Variants in CEP41 observed in about 807,000 individuals in gnomAD.
CEP41 encodes the protein centrosomal protein of 41 kDa.
A neutral mutation model predicts 44.3 loss-of-function variants in CEP41; 32 were observed. The observed-to-expected ratio is 0.72, with a 90% CI of 0.54 to 0.97. The LOEUF is 0.97. Among genes scored for constraint, CEP41 ranks in the 50% least tolerant of loss-of-function variants. CEP41 has a pLI of 0.00. For synonymous variants in CEP41, 151 were observed against 168.5 expected (o/e 0.90, Z 0.80); for missense variants, 432 against 455.2 (o/e 0.95, Z 0.46).
intron 8 of CEP41, chr7:130,401,121 C>T (rs1275521057): frequency 5.5e-6 from 2 of 363,246 alleles, no homozygotes; most frequent in Non-Finnish European, 1.0e-5. Context: ...TATTACAATC[C>T]CCATTTTACA....
intron 6 of CEP41, 84 bp from the exon 7 acceptor site, chr7:130,402,883 T>A (rs782304269): frequency 7.2e-7 from 1 of 1,379,478 alleles, no homozygotes; most frequent in Non-Finnish European, 1.0e-6. Flanking sequence ...AATAGTGAGG[T>A]GAGTGCTCAA....
intron 2 of CEP41, chr7:130,419,032 C>T: frequency 1.0e-6 from 1 of 985,172 alleles, no homozygotes; most frequent in Non-Finnish European, 1.2e-6. Flanking sequence ...CTTCATTTCT[C>T]CATTAATTAC....
intron 5 of CEP41, among the ~76,000 whole-genome samples, chr7:130,406,826 G>A (rs1011470215): frequency 5.9e-5 from 9 of 151,740 alleles, no homozygotes; most frequent in Admixed American, 4.6e-4. Context: ...CTCTCCGGTG[G>A]GGGGACGGGG....
intron 2 of CEP41, chr7:130,421,073 A>T (rs577304969): frequency 1.8e-4 from 173 of 982,430 alleles, no homozygotes; most frequent in Non-Finnish European, 2.1e-4. Context: ...GTGATAAAAG[A>T]TATATAACAA....
chr7:130,399,257 G>A, intron 10 of CEP41: 1 of 596,614 alleles, frequency 1.7e-6, no homozygotes, highest in Non-Finnish European at 2.9e-6. Context: ...AACCCAGATA[G>A]GTTTTTTTTC....
chr7:130,431,850 T>A (rs138309202), intron 1 of CEP41, among the ~76,000 whole-genome samples: 51 of 152,272 alleles, frequency 3.3e-4, no homozygotes, highest in African/African-American at 1.1e-3. Flanking sequence ...TTAAAAAAAC[T>A]TGGGTTTCAT....
chr7:130,398,943 G>C lies in CEP41; in HGVS notation c.1070C>G (p.Ser357Ter). ...ACCACTGCTGAGGGAGCGGGGGTTTGAGTGGCTGGCGGGGCCGCCACCTGG... is the reference window on the plus strand; with the variant it reads ...ACCACTGCTGAGGGAGCGGGGGTTTCAGTGGCTGGCGGGGCCGCCACCTGG... ...NLPGGGPASH[S>*]NPRSLSSGHL... The change falls in exon 11 of 11, where the codon TCA (serine) becomes TGA (stop). Residue 357 changes from serine (S) to a stop codon, truncating the protein, a stop_gained. Transcript: ENST00000223208. LOFTEE classifies it high-confidence loss of function. The C allele has an allele frequency of 1.9e-6, 3 of 1,614,220 alleles. No individual in the cohort carries two copies. The highest frequency in any genetic ancestry group is 2.5e-6 in the Non-Finnish European group (3 of 1,180,032).
intron 5 of CEP41, among the ~76,000 whole-genome samples, chr7:130,408,192 C>T (rs1554418637): frequency 6.6e-6 from 1 of 152,148 alleles, no homozygotes; most frequent in Non-Finnish European, 1.5e-5. Flanking sequence ...TATTTTACTT[C>T]TTCCCCCTTT....
rs576885294 is a variant in CEP41, at chr7:130,419,637, T to C, written c.98-2671A>G. The C allele has an allele frequency of 1.1e-4, 109 of 984,906 alleles. No individual in the cohort carries two copies. In the African/African-American group the frequency reaches 1.3e-3, roughly 12 times the overall value. The allele number at this position is 984,906 out of a possible 1,614,324, so 61.0% of individuals were successfully genotyped here. A position where few individuals can be genotyped will look rare whatever the true frequency, so the allele number is the denominator to read the frequency against. On this transcript the variant is annotated intron_variant, in intron 2 of 10. Transcript: ENST00000223208. ...GATACATTTTCCCAGATAAGACTTT[T>C]TGATCAAAAAGAAAAAAAAAAGTCA... is the stretch of plus-strand genomic sequence containing the variant.
At chr7:130,412,563 C>G (rs11973495) in intron 3 of CEP41, among the ~76,000 whole-genome samples, 1 of 152,038 alleles carries the variant, frequency 6.6e-6, no homozygotes, top group Non-Finnish European at 1.5e-5. Flanking sequence ...TTGTACTCCA[C>G]GCATTTTTGT....
At chr7:130,440,773 CCAAG>C in intron 1 of CEP41, 157 bp downstream of exon 1, 1 of 688,486 alleles carries the variant, frequency 1.5e-6, no homozygotes, top group Non-Finnish European at 2.5e-6. Context: ...CCCGCGGCCC[CCAAG>C]CCCGGCCCGC....
chr7:130,410,026 C>CTTCTTTTTTTT (rs147825264), intron 5 of CEP41, among the ~76,000 whole-genome samples: 5 of 131,876 alleles, frequency 3.8e-5, no homozygotes, highest in Non-Finnish European at 7.9e-5. Flanking sequence ...CTACCTCGGT[C>CTTCTTTTTTTT]TTCTTTTTTT....
At chr7:130,407,776 G>A (rs1288745804) in intron 5 of CEP41, among the ~76,000 whole-genome samples, 1 of 151,932 alleles carries the variant, frequency 6.6e-6, no homozygotes, top group East Asian at 1.9e-4. Flanking sequence ...AATTTTATGA[G>A]TCTAAAGCAA....
rs1263516750 is a variant in CEP41 at position 130,428,114 on chromosome 7, G to A, written c.34-96C>T. 8.0e-6 allele frequency: 7 copies of A among 873,122 alleles called. No individual in the cohort carries two copies. The East Asian group carries it at 1.7e-4, about 22-fold the overall frequency. 54.1% of individuals were successfully genotyped at this position (873,122 alleles called of 1,614,324 possible). ...GATACTTTAAAAATGGAAAAAAAGT[G>A]CTAAAATTTCTTAGAAATTAAAGAT... On this transcript the variant is annotated intron_variant, in intron 1 of 10. Coordinates refer to ENST00000223208, the MANE Select transcript of CEP41 (RefSeq NM_018718.3).
chr7:130,433,062 G>T (rs1011536437), intron 1 of CEP41, among the ~76,000 whole-genome samples: 1 of 152,214 alleles, frequency 6.6e-6, no homozygotes, highest in Non-Finnish European at 1.5e-5. Context: ...TGTCAAGTCA[G>T]AGAACAAGAG....
intron 5 of CEP41, among the ~76,000 whole-genome samples, chr7:130,406,587 A>T (rs1195748736): frequency 2.0e-5 from 3 of 152,214 alleles, no homozygotes; most frequent in East Asian, 1.9e-4. Context: ...CCATCTCAAA[A>T]AAATAAATAA....
chr7:130,399,751 C>T (rs1796784163), intron 10 of CEP41: 4 of 342,386 alleles, frequency 1.2e-5, no homozygotes, highest in Admixed American at 4.0e-5. Context: ...ACCGGGGAGA[C>T]GGAGGTTGCA....
upstream of CEP41, chr7:130,441,185 C>T: frequency 1.4e-6 from 1 of 690,044 alleles, no homozygotes; most frequent in Non-Finnish European, 2.6e-6. Flanking sequence ...ACGCGGGACG[C>T]CGGCTAGCGA....
chr7:130,394,140 C>G lies in CEP41; in HGVS notation c.*4751G>C, dbSNP rs531784517. On this transcript the variant is annotated 3_prime_UTR_variant, in exon 11 of 11. Coordinates refer to ENST00000223208, the MANE Select transcript of CEP41 (RefSeq NM_018718.3). ...TTTTCACGGTAAGTTAGAGGCATCA[C>G]CAAAGGAGAACATGGTTGTGCCCAC... 2.2e-6 allele frequency: 1 copy of G among 454,062 alleles called. No homozygotes were observed. Among genetic ancestry groups the G allele is most frequent in the Admixed American group, 2.3e-5 (1 of 42,572 alleles). 28.1% of individuals were successfully genotyped at this position (454,062 alleles called of 1,614,324 possible).
Sources: allele counts gnomAD v4.1 joint callset (sites outside exome capture counted in the v4.1 genomes callset), GRCh38; gene constraint gnomAD v4.1.1; transcripts MANE v1.5; gene names NCBI Gene and HGNC (gene_info 2026-07-23, HGNC 2026-07-21).